The following CNTNAP5 variants were observed in gnomAD, a reference collection of about 807,000 sequenced individuals.
CNTNAP5 encodes the protein contactin-associated protein-like 5.
CNTNAP5 carries 72 observed loss-of-function variants against 150.2 expected under a neutral mutation model. The ratio of observed to expected loss-of-function variants is 0.48; its 90% CI spans 0.40 to 0.58. CNTNAP5 has a LOEUF of 0.58. Ranked by LOEUF, CNTNAP5 falls within the 20% of genes least tolerant of loss-of-function variation. CNTNAP5 has a pLI of 0.00. For missense variants in CNTNAP5, 1,636 were observed against 1,626.2 expected, an observed-to-expected ratio of 1.01 and a Z score of -0.10; for synonymous variants, 672 against 619.8, an observed-to-expected ratio of 1.08 and a Z score of -1.25.
chr2:124,350,101 C>G (rs933883854), intron 3 of CNTNAP5, among the ~76,000 whole-genome samples: 1 of 151,878 alleles, frequency 6.6e-6, no homozygotes, highest in Non-Finnish European at 1.5e-5. Flanking sequence ...CCAGGATGGT[C>G]TTGATCTCTT....
chr2:124,451,051 A>AAAAAAT (rs1360743225), intron 6 of CNTNAP5, among the ~76,000 whole-genome samples: 3 of 65,306 alleles, frequency 4.6e-5, no homozygotes, highest in South Asian at 6.5e-4. Context: ...AAAAAAAAAA[A>AAAAAAT]ATATATATAT....
At chr2:124,284,903 T>C (rs1481058626) in intron 3 of CNTNAP5, among the ~76,000 whole-genome samples, 1 of 152,130 alleles carries the variant, frequency 6.6e-6, no homozygotes, top group African/African-American at 2.4e-5. Flanking sequence ...GGGAAAGGCC[T>C]GTGTGAACCA....
chr2:124,224,221 TA>T lies in CNTNAP5; in HGVS notation c.187+2418del, dbSNP rs199756625. Among the ~76,000 whole-genome samples the T allele has an allele frequency of 5.5e-3, 844 of 152,212 alleles. 8 individuals carry two copies. Among genetic ancestry groups the T allele is most frequent in the Non-Finnish European group, 7.4e-3 (503 of 67,990 alleles). On this transcript the variant is annotated intron_variant, in intron 2 of 23. Transcript: ENST00000682447. Reference sequence around the variant, plus strand: ...TTGCTACATTGGAGGAATTCATGAGTAAAAAATCCTTCTATTAATAATTATT... The same window carrying T: ...TTGCTACATTGGAGGAATTCATGAGTAAAAATCCTTCTATTAATAATTATT...
chr2:124,788,902 G>A (rs1056019389), intron 17 of CNTNAP5, among the ~76,000 whole-genome samples: 2 of 152,136 alleles, frequency 1.3e-5, no homozygotes, highest in Admixed American at 1.3e-4. Flanking sequence ...CAAAATGCTA[G>A]GATTACAGGC....
intron 4 of CNTNAP5, among the ~76,000 whole-genome samples, chr2:124,423,636 G>T (rs947130949): frequency 5.0e-5 from 7 of 139,266 alleles, no homozygotes; most frequent in Non-Finnish European, 1.1e-4. Flanking sequence ...ATGAGCCACT[G>T]CGCCCGGCTA....
At position 124,620,461 on chromosome 2, in the gene CNTNAP5, T is replaced by C. The variant is rs552880876; in HGVS notation, c.1876+10541T>C. Among the ~76,000 whole-genome samples, 9 of 152,220 alleles carry C rather than the reference T, an allele frequency of 5.9e-5. No homozygotes were observed. In the South Asian group the frequency reaches 8.3e-4, roughly 14 times the overall value. ...TGACTGTTTGTTGCTGCTCAACCTC[T>C]CTCCAAGTTGCTGTTTCCTTCAAAC... On this transcript the variant is annotated intron_variant, in intron 12 of 23. Transcript: ENST00000682447.
At chr2:124,491,777 G>A (rs1558925477) in intron 7 of CNTNAP5, among the ~76,000 whole-genome samples, 6 of 150,222 alleles carry the variant, frequency 4.0e-5, no homozygotes, top group Admixed American at 2.7e-4. Flanking sequence ...CTTTTGGATA[G>A]CAGCCACCCT....
rs11273535 is a variant in CNTNAP5 at position 124,558,432 on chromosome 2, T to TTCGGTTTGGGTACACAGAGTTTGG, written c.1650-4785_1650-4784insTCGGTTTGGGTACACAGAGTTTGG. On this transcript the variant is annotated intron_variant, in intron 10 of 23. Coordinates refer to ENST00000682447, the MANE Select transcript of CNTNAP5 (RefSeq NM_001367498.1). The stretch of plus-strand genomic sequence containing the variant: ...CAGGGTGAAGGAGGAGATTGGAAAG[T>TTCGGTTTGGGTACACAGAGTTTGG]AATATCTATTAGACACCCACGTGGA... 4.5e-3 allele frequency among the ~76,000 whole-genome samples: 686 copies of TTCGGTTTGGGTACACAGAGTTTGG among 152,028 alleles called. 4 individuals carry two copies. Among genetic ancestry groups the TTCGGTTTGGGTACACAGAGTTTGG allele is most frequent in the African/African-American group, 0.016 (649 of 41,416 alleles).
At chr2:124,215,954 G>T (rs1686146189) in intron 1 of CNTNAP5, among the ~76,000 whole-genome samples, 1 of 152,104 alleles carries the variant, frequency 6.6e-6, no homozygotes, top group Non-Finnish European at 1.5e-5. Context: ...CCTGAATTTT[G>T]CTTCCAGCTG....
At chr2:124,682,310 T>A (rs1329519727) in intron 13 of CNTNAP5, among the ~76,000 whole-genome samples, 1 of 152,206 alleles carries the variant, frequency 6.6e-6, no homozygotes, top group Non-Finnish European at 1.5e-5. Context: ...TCATCAACAA[T>A]GTGCTGTCGT....
At chr2:124,187,367 C>T (rs1437633239) in intron 1 of CNTNAP5, among the ~76,000 whole-genome samples, 1 of 152,100 alleles carries the variant, frequency 6.6e-6, no homozygotes, top group Non-Finnish European at 1.5e-5. Flanking sequence ...AGAATTTGAG[C>T]TAAGATCTGC....
At chr2:124,224,353 A>G (rs1185365872) in intron 2 of CNTNAP5, among the ~76,000 whole-genome samples, 3 of 152,160 alleles carry the variant, frequency 2.0e-5, no homozygotes, top group Non-Finnish European at 2.9e-5. Flanking sequence ...TACCATTACC[A>G]TACAATTACA....
intron 3 of CNTNAP5, among the ~76,000 whole-genome samples, chr2:124,350,930 C>G (rs1331068312): frequency 6.6e-6 from 1 of 152,014 alleles, no homozygotes; most frequent in Non-Finnish European, 1.5e-5. Context: ...TGTGTGTTTC[C>G]TCAAAGAGGC....
At chr2:124,789,868 C>T in intron 17 of CNTNAP5, 34 bp from the exon 18 acceptor site, 3 of 1,606,492 alleles carry the variant, frequency 1.9e-6, no homozygotes, top group South Asian at 1.1e-5. Context: ...CCCTATAATA[C>T]CTTACATTTG....
At chr2:124,252,098 C>T (rs1162733914) in intron 3 of CNTNAP5, among the ~76,000 whole-genome samples, 1 of 152,184 alleles carries the variant, frequency 6.6e-6, no homozygotes, top group East Asian at 1.9e-4. Context: ...TGGGCATCCT[C>T]CAGGCCTTCC....
intron 3 of CNTNAP5, among the ~76,000 whole-genome samples, chr2:124,415,883 G>A (rs1691905788): frequency 6.6e-6 from 1 of 151,984 alleles, no homozygotes; most frequent in South Asian, 2.1e-4. Context: ...TATTAGGTGT[G>A]AGCCTTTGGA....
intron 1 of CNTNAP5, among the ~76,000 whole-genome samples, chr2:124,143,632 G>A (rs1246665748): frequency 4.9e-4 from 44 of 90,268 alleles, no homozygotes; most frequent in Non-Finnish European, 6.7e-4. Flanking sequence ...GGTATTGATG[G>A]GACGTATTTC....
At chr2:124,761,658 C>T (rs900665923) in intron 14 of CNTNAP5, among the ~76,000 whole-genome samples, 2 of 151,992 alleles carry the variant, frequency 1.3e-5, no homozygotes, top group African/African-American at 2.4e-5. Flanking sequence ...AAGCTGGATT[C>T]GCATGCTTTT....
chr2:124,765,924 C>G (rs956917701), intron 16 of CNTNAP5, among the ~76,000 whole-genome samples: 4 of 151,716 alleles, frequency 2.6e-5, no homozygotes, highest in Non-Finnish European at 5.9e-5. Context: ...CTACTGCACC[C>G]CAGCCTGGGT....
Sources: gnomAD v4.1 joint callset for allele counts (sites outside exome capture counted in the v4.1 genomes callset) on GRCh38, gnomAD v4.1.1 for gene constraint, MANE v1.5 for transcripts, NCBI Gene and HGNC (gene_info 2026-07-23, HGNC 2026-07-21) for gene names.